CCNB1: variants seen among roughly 807,000 people sequenced by gnomAD.
CCNB1 encodes the protein G2/mitotic-specific cyclin-B1.
CCNB1 carries 26 observed loss-of-function variants against 44.4 expected under a neutral mutation model. That is an observed-to-expected ratio of 0.59 (90% CI 0.43 to 0.81). The LOEUF (loss-of-function observed/expected upper bound fraction) is 0.81, where lower values mean the gene tolerates loss of function less well. Ranked by LOEUF, CCNB1 falls within the 40% of genes least tolerant of loss-of-function variation. The pLI is 0.00. For missense variants in CCNB1, 477 were observed against 520.9 expected, an observed-to-expected ratio of 0.92 and a Z score of 0.82; for synonymous variants, 195 against 181.4, an observed-to-expected ratio of 1.08 and a Z score of -0.60.
In CCNB1 at chr5:69,177,096, G is replaced by GT. The variant is rs1361083309; in HGVS notation, c.1084-142dup. On this transcript the variant is annotated intron_variant, in intron 7 of 8. Transcript: ENST00000256442. ...AAGCATGAGAGCACCTAGGAAAGGA[G>GT]TCTTTAGCTTTGTCTTAAATTTCAG... 11 of 516,858 alleles carry GT rather than the reference G, an allele frequency of 2.1e-5. No homozygotes were observed. The East Asian group carries it at 3.4e-4, about 16-fold the overall frequency. 32.0% of individuals were successfully genotyped at this position (516,858 alleles called of 1,614,324 possible). A position where few individuals can be genotyped will look rare whatever the true frequency, so the allele number is the denominator to read the frequency against.
intron 3 of CCNB1, among the ~76,000 whole-genome samples, chr5:69,168,698 C>CT (rs1331621219): frequency 6.6e-6 from 1 of 152,200 alleles, no homozygotes; most frequent in African/African-American, 2.4e-5. Flanking sequence ...TAGTAGCTGT[C>CT]TGAGCCAAAG....
In CCNB1 at chr5:69,168,187, A is replaced by G; in HGVS notation, c.207A>G (p.Ser69=). 1 of 1,614,148 alleles carries G rather than the reference A, an allele frequency of 6.2e-7. No individual in the cohort carries two copies. The highest frequency in any genetic ancestry group is 2.2e-5 in the East Asian group (1 of 44,890). The change falls in exon 3 of 9, where the codon TCA becomes TCG. Residue 69 remains serine (S), a synonymous_variant. Coordinates refer to ENST00000256442, the MANE Select transcript of CCNB1 (RefSeq NM_031966.4). ...TTCATCTACAGGAAGCAAAACCTTC[A>G]GCTACTGGAAAAGTCATTGATAAAA... ...KMPMKKEAKP[S]ATGKVIDKKL...
intron 3 of CCNB1, among the ~76,000 whole-genome samples, chr5:69,170,447 A>T (rs2032737535): frequency 6.6e-6 from 1 of 152,222 alleles, no homozygotes; most frequent in Non-Finnish European, 1.5e-5. Context: ...AATCCTTAGT[A>T]GTCAGGATAG....
At chr5:69,168,402 G>A in intron 3 of CCNB1, 59 bp downstream of exon 3, 1 of 1,589,986 alleles carries the variant, frequency 6.3e-7, no homozygotes, top group Non-Finnish European at 8.6e-7. Context: ...TTATTTCACT[G>A]ATACATGCAA....
chr5:69,177,255 A>G lies in CCNB1; in HGVS notation c.1100A>G (p.His367Arg), dbSNP rs1747615558. The G allele has an allele frequency of 1.2e-6, 2 of 1,603,308 alleles. No individual in the cohort carries two copies. The highest frequency in any genetic ancestry group is 1.7e-6 in the Non-Finnish European group (2 of 1,171,056). ...DNGEWTPTLQ[H>R]YLSYTEESLL... ...TTGCCTTAGACACCAACTCTACAACATTACCTGTCATATACTGAAGAATCT... is the reference window on the plus strand; with the variant it reads ...TTGCCTTAGACACCAACTCTACAACGTTACCTGTCATATACTGAAGAATCT... The change falls in exon 8 of 9, where the codon CAT (histidine) becomes CGT (arginine). Residue 367 changes from histidine to arginine, a missense_variant. By Grantham distance (29) the His-to-Arg change is conservative. Transcript: ENST00000256442.
chr5:69,167,344 C>A, intron 1 of CCNB1, 61 bp downstream of exon 1: 1 of 1,584,548 alleles, frequency 6.3e-7, no homozygotes, highest in South Asian at 1.1e-5. Flanking sequence ...CTCTCCCTGC[C>A]TCGCCTGCGG....
At chr5:69,176,014 TAC>T (rs1432224557) in intron 7 of CCNB1, among the ~76,000 whole-genome samples, 1 of 134,954 alleles carries the variant, frequency 7.4e-6, no homozygotes, top group African/African-American at 2.7e-5. Context: ...TATATATATA[TAC>T]AGGCACACGC....
rs545647674 is a variant in CCNB1 at position 69,173,821 on chromosome 5, G to A, written c.547-430G>A. ...GTCTCACTCTGTCACCCAGGCTGGAGTGCAGTGGTGCAATCTCGGCTCCCT... is the reference window on the plus strand; with the variant it reads ...GTCTCACTCTGTCACCCAGGCTGGAATGCAGTGGTGCAATCTCGGCTCCCT... On this transcript the variant is annotated intron_variant, in intron 4 of 8. Coordinates refer to ENST00000256442, the MANE Select transcript of CCNB1 (RefSeq NM_031966.4). 2.0e-5 allele frequency among the ~76,000 whole-genome samples: 3 copies of A among 151,924 alleles called. No individual in the cohort carries two copies. The East Asian group carries it at 5.8e-4, about 29-fold the overall frequency.
At chr5:69,168,487 T>C (rs2112046127) in intron 3 of CCNB1, 144 bp downstream of exon 3, 1 of 877,978 alleles carries the variant, frequency 1.1e-6, no homozygotes, top group South Asian at 1.6e-5. Flanking sequence ...CCTAACATTT[T>C]ACATGCATTA....
intron 3 of CCNB1, 102 bp downstream of exon 3, chr5:69,168,445 T>C (rs1405401669): frequency 7.3e-7 from 1 of 1,370,538 alleles, no homozygotes; most frequent in African/African-American, 1.4e-5. Context: ...ATTAATACCA[T>C]TTATTGAGTG....
chr5:69,169,840 C>T (rs146460900), intron 3 of CCNB1, among the ~76,000 whole-genome samples: 216 of 152,022 alleles, frequency 1.4e-3, no homozygotes, highest in African/African-American at 4.8e-3. Flanking sequence ...TTAGTAGAGA[C>T]GGGGTTTCAC....
At chr5:69,176,670 T>A (rs1209928316) in intron 7 of CCNB1, among the ~76,000 whole-genome samples, 1 of 151,276 alleles carries the variant, frequency 6.6e-6, no homozygotes, top group African/African-American at 2.4e-5. Context: ...GTGCCCGGCC[T>A]ACCCTAGGTC....
chr5:69,177,339 C>G lies in CCNB1; in HGVS notation c.1184C>G (p.Thr395Arg), dbSNP rs765341874. 2.4e-5 allele frequency: 39 copies of G among 1,601,456 alleles called. No individual in the cohort carries two copies. Among genetic ancestry groups the G allele is most frequent in the Non-Finnish European group, 3.3e-5 (39 of 1,168,712 alleles). The stretch of plus-strand genomic sequence containing the variant: ...GTAGTCATGGTAAATCAAGGACTTA[C>G]AAAGCACATGGTGAGTCAATATAGT... ...KNVVMVNQGL[T>R]KHMTVKNKYA... Residue 395 changes from threonine (T) to arginine (R), a missense_variant, in exon 8 of 9, where the codon ACA (threonine) becomes AGA (arginine). Transcript: ENST00000256442.
chr5:69,174,777 A>C, intron 5 of CCNB1, 100 bp from the exon 6 acceptor site: 1 of 936,720 alleles, frequency 1.1e-6, no homozygotes, highest in East Asian at 2.4e-5. Context: ...GGTGTCATTA[A>C]GATTTTGCTA....
At position 69,168,051 on chromosome 5, in the gene CCNB1, A is replaced by G. The variant is rs1163658208; in HGVS notation, c.165A>G (p.Gln55=). Residue 55 remains glutamine, a synonymous_variant, in exon 2 of 9, where the codon CAA becomes CAG. Transcript: ENST00000256442. ...LGDIGNKVSE[Q]LQAKMPMKKE... ...ACATTGGTAACAAAGTCAGTGAACAACTGCAGGCCAAAATGCCTATGAAGA... is the reference window on the plus strand; with the variant it reads ...ACATTGGTAACAAAGTCAGTGAACAGCTGCAGGCCAAAATGCCTATGAAGA... The G allele has an allele frequency of 6.2e-7, 1 of 1,613,954 alleles. No homozygotes were observed. The highest frequency in any genetic ancestry group is 8.5e-7 in the Non-Finnish European group (1 of 1,180,010).
Position 69,167,291 on chromosome 5 carries a change from G to A in CCNB1, c.21+8G>A. The stretch of plus-strand genomic sequence containing the variant: ...GCGCTCCGAGTCACCAGGGTGAGCC[G>A]CTTCGGACTGCGAACTAACGCGGCC... On this transcript the variant is annotated splice_region_variant and intron_variant, in intron 1 of 8. Transcript: ENST00000256442. 1.9e-6 allele frequency: 3 copies of A among 1,594,588 alleles called. No homozygotes were observed. Among genetic ancestry groups the A allele is most frequent in the African/African-American group, 1.3e-5 (1 of 74,304 alleles).
At chr5:69,170,345 T>C (rs1747432857) in intron 3 of CCNB1, among the ~76,000 whole-genome samples, 1 of 152,092 alleles carries the variant, frequency 6.6e-6, no homozygotes, top group Admixed American at 6.6e-5. Flanking sequence ...CAATGCCTTG[T>C]AGAGTTTGAC....
chr5:69,174,433 C>T, intron 5 of CCNB1, 24 bp downstream of exon 5: 1 of 1,610,160 alleles, frequency 6.2e-7, no homozygotes, highest in Non-Finnish European at 8.5e-7. Flanking sequence ...TAAGAGTTTT[C>T]CCTTCCAGGA....
At chr5:69,176,643 T>G (rs1344220029) in intron 7 of CCNB1, among the ~76,000 whole-genome samples, 1 of 151,278 alleles carries the variant, frequency 6.6e-6, no homozygotes, top group Non-Finnish European at 1.5e-5. Context: ...GTGCTGGGAT[T>G]ACAGGCGTGA....
Sources: gnomAD v4.1 joint callset for allele counts (sites outside exome capture counted in the v4.1 genomes callset) on GRCh38, gnomAD v4.1.1 for gene constraint, MANE v1.5 for transcripts, NCBI Gene and HGNC (gene_info 2026-07-23, HGNC 2026-07-21) for gene names.